LUZP2: variants seen among roughly 807,000 people sequenced by gnomAD.
LUZP2 encodes leucine zipper protein 2.
In LUZP2, 52 loss-of-function variants were observed where a neutral mutation model predicts 51.6. That is an observed-to-expected ratio of 1.01 (90% CI 0.81 to 1.27). The LOEUF is 1.27. Among genes scored for constraint, LUZP2 ranks in the 50% most tolerant of loss-of-function variants. LUZP2 has a pLI of 0.00. For missense variants in LUZP2, 436 were observed against 395.4 expected, an observed-to-expected ratio of 1.10 and a Z score of -0.87; for synonymous variants, 154 against 137.3, an observed-to-expected ratio of 1.12 and a Z score of -0.85.
Position 24,747,564 on chromosome 11 carries a change from G to T in LUZP2, c.333+9262G>T, listed in dbSNP as rs150679781. Among the ~76,000 whole-genome samples, 45 of 152,248 alleles carry T rather than the reference G, an allele frequency of 3.0e-4. No homozygotes were observed. In the East Asian group the frequency reaches 8.3e-3, roughly 28 times the overall value. ...AGGCCCTTTCCAGAGAGCATCAGCT[G>T]TGGTAGTATGGAGACAAACCAACAG... On this transcript the variant is annotated intron_variant, in intron 4 of 11. Coordinates refer to ENST00000336930, the MANE Select transcript of LUZP2 (RefSeq NM_001009909.4).
intron 5 of LUZP2, among the ~76,000 whole-genome samples, chr11:24,903,235 A>T (rs1014021908): frequency 2.0e-5 from 3 of 152,104 alleles, no homozygotes; most frequent in Non-Finnish European, 4.4e-5. Flanking sequence ...GATTCTTTTT[A>T]AAAAAAGAAC....
chr11:24,763,877 A>G (rs1860082470), intron 5 of LUZP2, among the ~76,000 whole-genome samples: 1 of 152,000 alleles, frequency 6.6e-6, no homozygotes, highest in Non-Finnish European at 1.5e-5. Flanking sequence ...CTACCTTTTC[A>G]TTTCCTTTTT....
intron 1 of LUZP2, among the ~76,000 whole-genome samples, chr11:24,516,570 G>T (rs1273154436): frequency 6.6e-6 from 1 of 152,116 alleles, no homozygotes; most frequent in Non-Finnish European, 1.5e-5. Flanking sequence ...TTTTTGTGTG[G>T]CTGGTTTTCT....
intron 9 of LUZP2, among the ~76,000 whole-genome samples, chr11:25,034,285 G>T (rs1302504885): frequency 5.3e-5 from 8 of 151,528 alleles, no homozygotes; most frequent in African/African-American, 1.9e-4. Context: ...TTTGTTTTTT[G>T]CCTGTTGATT....
At chr11:24,945,732 C>A (rs1279735280) in intron 7 of LUZP2, among the ~76,000 whole-genome samples, 2 of 151,956 alleles carry the variant, frequency 1.3e-5, no homozygotes, top group African/African-American at 4.8e-5. Context: ...TGTTGTTTCC[C>A]AATATTTGTG....
intron 1 of LUZP2, chr11:24,646,432 G>GA (rs1855464224): frequency 5.8e-6 from 1 of 172,916 alleles, no homozygotes; most frequent in African/African-American, 2.4e-5. Context: ...TACTATTATT[G>GA]ACATTGGTTT....
At chr11:24,519,146 C>T (rs1850563520) in intron 1 of LUZP2, among the ~76,000 whole-genome samples, 2 of 152,174 alleles carry the variant, frequency 1.3e-5, no homozygotes, top group African/African-American at 4.8e-5. Context: ...TTGGCTCTTT[C>T]ACGTTTACAG....
At chr11:24,652,492 CAGTG>C (rs1197923166) in intron 1 of LUZP2, among the ~76,000 whole-genome samples, 2 of 151,924 alleles carry the variant, frequency 1.3e-5, no homozygotes, top group Non-Finnish European at 2.9e-5. Context: ...TGCAGGAAAA[CAGTG>C]AGAAAAGATT....
At chr11:24,860,355 G>A (rs1267701802) in intron 5 of LUZP2, among the ~76,000 whole-genome samples, 1 of 152,204 alleles carries the variant, frequency 6.6e-6, no homozygotes, top group African/African-American at 2.4e-5. Context: ...AGCAGACTTA[G>A]CCTATTCTAC....
chr11:24,806,342 C>T (rs538738139), intron 5 of LUZP2, among the ~76,000 whole-genome samples: 6 of 152,218 alleles, frequency 3.9e-5, no homozygotes, highest in East Asian at 1.9e-4. Context: ...ATTTACATCA[C>T]GGAATTTGGT....
chr11:24,972,153 A>AC (rs1855757664), intron 7 of LUZP2, among the ~76,000 whole-genome samples: 2 of 151,172 alleles, frequency 1.3e-5, no homozygotes, highest in African/African-American at 2.4e-5. Flanking sequence ...AAAAAAAAAA[A>AC]AAAAAAAAAC....
intron 2 of LUZP2, 68 bp downstream of exon 2, chr11:24,729,354 C>T: frequency 1.3e-6 from 1 of 785,462 alleles, no homozygotes; most frequent in East Asian, 2.7e-5. Flanking sequence ...AGTGGATTGA[C>T]ATGCATTTTT....
chr11:24,736,030 G>A (rs1858924028), intron 3 of LUZP2, among the ~76,000 whole-genome samples: 1 of 151,914 alleles, frequency 6.6e-6, no homozygotes, highest in African/African-American at 2.4e-5. Flanking sequence ...AAGACAAAAA[G>A]TCTACTTTAC....
chr11:24,579,624 A>G (rs940182223), intron 1 of LUZP2, among the ~76,000 whole-genome samples: 1 of 152,130 alleles, frequency 6.6e-6, no homozygotes, highest in African/African-American at 2.4e-5. Context: ...TTCTGTGATC[A>G]TGATCATATG....
intron 1 of LUZP2, among the ~76,000 whole-genome samples, chr11:24,659,435 G>A (rs7102333): frequency 0.28 from 42,612 of 151,804 alleles, 6,640 homozygotes; most frequent in Admixed American, 0.39. Context: ...TGGGGGGAGC[G>A]GGGAAGGACA....
chr11:24,939,977 G>A (rs955978004), intron 7 of LUZP2, among the ~76,000 whole-genome samples: 1 of 151,902 alleles, frequency 6.6e-6, no homozygotes, highest in East Asian at 1.9e-4. Context: ...TTGGCATCAT[G>A]GAGGTGCTTC....
rs138210310 is a variant in LUZP2 at position 24,932,614 on chromosome 11, C to T, written c.522+18076C>T. The stretch of plus-strand genomic sequence containing the variant: ...GCAGTGAAACCAGCCTCACCCAGCT[C>T]GCACACAGCTCAAAAGGCTGCTCTC... On this transcript the variant is annotated intron_variant, in intron 7 of 11. Transcript: ENST00000336930. Among the ~76,000 whole-genome samples the T allele has an allele frequency of 5.1e-3, 776 of 152,230 alleles. 4 individuals are homozygous for T. The highest frequency in any genetic ancestry group is 7.2e-3 in the Non-Finnish European group (488 of 68,010).
intron 1 of LUZP2, among the ~76,000 whole-genome samples, chr11:24,522,100 A>T (rs1367085152): frequency 6.6e-6 from 1 of 152,178 alleles, no homozygotes; most frequent in Non-Finnish European, 1.5e-5. Context: ...ACTGAGAAAG[A>T]ACATATGGAG....
At chr11:24,792,425 CAA>C (rs112656980) in intron 5 of LUZP2, among the ~76,000 whole-genome samples, 1 of 130,884 alleles carries the variant, frequency 7.6e-6, no homozygotes. Flanking sequence ...GACTCTGTCT[CAA>C]AAAAAAAAAA....
Sources: allele counts gnomAD v4.1 joint callset (sites outside exome capture counted in the v4.1 genomes callset), GRCh38; gene constraint gnomAD v4.1.1; transcripts MANE v1.5; gene names NCBI Gene and HGNC (gene_info 2026-07-23, HGNC 2026-07-21).